Variants in INTS1 observed in about 807,000 individuals in gnomAD.
INTS1 encodes integrator complex subunit 1.
INTS1 carries 137 observed loss-of-function variants against 241.6 expected under a neutral mutation model. The observed-to-expected ratio is 0.57, with a 90% confidence interval of 0.49 to 0.65. The LOEUF (loss-of-function observed/expected upper bound fraction) is 0.65, where lower values mean the gene tolerates loss of function less well. Ranked by LOEUF, INTS1 falls within the 30% of genes least tolerant of loss-of-function variation. The pLI is 0.00. For synonymous variants in INTS1, 1,692 were observed against 1,337.8 expected, an observed-to-expected ratio of 1.26 and a Z score of -5.78; for missense variants, 3,073 against 3,032.2, an observed-to-expected ratio of 1.01 and a Z score of -0.32.
chr7:1,485,446 C>A lies in INTS1; in HGVS notation c.3000G>T (p.Glu1000Asp), dbSNP rs751317411. 3.1e-6 allele frequency: 5 copies of A among 1,612,628 alleles called. No homozygotes were observed. In the Admixed American group the frequency reaches 8.3e-5, roughly 27 times the overall value. Reference sequence around the variant, plus strand: ...TCTCCTCCCCGTCCCGCAGGCTGCCCTCCGAAAGCACCAGCGACAAACCCT... The same window carrying A: ...TCTCCTCCCCGTCCCGCAGGCTGCCATCCGAAAGCACCAGCGACAAACCCT... ...AMKGLSLVLSEGSLRDGEEKE... is the reference protein window; with the variant it reads ...AMKGLSLVLSDGSLRDGEEKE... Residue 1000 changes from glutamate to aspartate, a missense_variant, in exon 23 of 48, where the codon GAG (glutamate) becomes GAT (aspartate). Physicochemically the swap from Glu to Asp is conservative, Grantham distance 45. Transcript: ENST00000404767.
rs1385792204 is a variant in INTS1 at position 1,472,313 on chromosome 7, G to A, written c.6144C>T (p.Ala2048=). ...CCCGGGAAAGCCGTTTCATGTAGGG[G>A]GCCATCTCGGCCGCGGTCAGAGGGG... ...LFTPLTAAEM[A]PYMKRLSRGQ... Residue 2048 remains alanine, a synonymous_variant, in exon 44 of 48, where the codon GCC becomes GCT. Transcript: ENST00000404767. 6 of 1,567,882 alleles carry A rather than the reference G, an allele frequency of 3.8e-6. No homozygotes were observed. The highest frequency in any genetic ancestry group is 2.3e-5 in the South Asian group (2 of 85,316).
At position 1,470,793 on chromosome 7, in the gene INTS1, C is replaced by T. The variant is rs1562481138; in HGVS notation, c.6457+53G>A. On this transcript the variant is annotated intron_variant, in intron 47 of 47. Coordinates refer to ENST00000404767, the MANE Select transcript of INTS1 (RefSeq NM_001080453.3). The stretch of plus-strand genomic sequence containing the variant: ...CAAGAGCCAGCCCTCGGGGGACGCA[C>T]CTCCGGCCTCCCCGAGGGCTGCCAG... The T allele has an allele frequency of 9.4e-6, 14 of 1,488,178 alleles. 1 individual carries two copies. The South Asian group carries it at 1.6e-4, about 17-fold the overall frequency. 92.2% of individuals were successfully genotyped at this position (1,488,178 alleles called of 1,614,324 possible).
In INTS1 at chr7:1,472,440, C is replaced by A. The variant is rs540821054; in HGVS notation, c.6071-54G>T. On this transcript the variant is annotated intron_variant, in intron 43 of 47. Coordinates refer to ENST00000404767, the MANE Select transcript of INTS1 (RefSeq NM_001080453.3). ...GGCGGGAGCGGCAGGACGTGCCACA[C>A]TGAGGCACCAGGACCTGCCCTCCCG... 15 of 1,296,182 alleles carry A rather than the reference C, an allele frequency of 1.2e-5. No homozygotes were observed. The South Asian group carries it at 1.3e-4, about 11-fold the overall frequency. 80.3% of individuals were successfully genotyped at this position (1,296,182 alleles called of 1,614,324 possible). A position where few individuals can be genotyped will look rare whatever the true frequency, so the allele number is the denominator to read the frequency against.
Position 1,497,994 on chromosome 7 carries a change from G to A in INTS1, c.1425+418C>T, listed in dbSNP as rs560748695. Among the ~76,000 whole-genome samples the A allele has an allele frequency of 2.6e-5, 4 of 152,318 alleles. No homozygotes were observed. Among genetic ancestry groups the A allele is most frequent in the Admixed American group, 1.3e-4 (2 of 15,304 alleles). On this transcript the variant is annotated intron_variant, in intron 10 of 47. Transcript: ENST00000404767. This position sits in a 1 kb window ranked among gnomAD's most constrained non-coding sequence, Gnocchi z 5.3. ...TTTGGGAGGTTGAGGCAGGAGGATCGCTTGAGCCCAGGAGTTTGAGACCAG... is the reference window on the plus strand; with the variant it reads ...TTTGGGAGGTTGAGGCAGGAGGATCACTTGAGCCCAGGAGTTTGAGACCAG...
chr7:1,472,250 G>A, intron 44 of INTS1, 23 bp downstream of exon 44: 2 of 1,517,184 alleles, frequency 1.3e-6, no homozygotes, highest in Non-Finnish European at 1.8e-6. Flanking sequence ...GACCTGGCGT[G>A]GGTGAAGCAG....
At chr7:1,471,424 C>A in intron 45 of INTS1, 147 bp downstream of exon 45, 1 of 1,011,582 alleles carries the variant, frequency 9.9e-7, no homozygotes, top group Non-Finnish European at 1.5e-6. Flanking sequence ...TGACTGTGAA[C>A]ACCTGGGCTG....
chr7:1,484,251 C>T (rs1782140956), intron 24 of INTS1, 81 bp from the exon 25 acceptor site: 4 of 1,420,774 alleles, frequency 2.8e-6, no homozygotes, highest in East Asian at 2.3e-5. Context: ...GTCGCAGGCA[C>T]GCTCTCACTG....
Position 1,487,210 on chromosome 7 carries a change from A to G in INTS1, c.2647-109T>C, listed in dbSNP as rs541649790. The G allele has an allele frequency of 4.3e-4, 653 of 1,501,916 alleles. 2 individuals are homozygous for G. In the African/African-American group the frequency reaches 8.1e-3, roughly 19 times the overall value. The allele number at this position is 1,501,916 out of a possible 1,614,324, so 93.0% of individuals were successfully genotyped here. On this transcript the variant is annotated intron_variant, in intron 20 of 47. Coordinates refer to ENST00000404767, the MANE Select transcript of INTS1 (RefSeq NM_001080453.3). ...AAGGGCGACACGCAGCAGCCAGCTC[A>G]TGGGCCCCGCATCCAGGTGTGTCCT...
chr7:1,499,682 G>T, intron 5 of INTS1, 50 bp from the exon 6 acceptor site: 1 of 1,553,078 alleles, frequency 6.4e-7, no homozygotes, highest in Non-Finnish European at 8.7e-7. Context: ...GCAGCAGCCA[G>T]GTTGGGGAAC....
At position 1,489,336 on chromosome 7, in the gene INTS1, G is replaced by A. The variant is rs746274697; in HGVS notation, c.2318+8C>T. Reference sequence around the variant, plus strand: ...TCCCGGGCCCGCCGAGGGGACGTGCGCACTCACTTGGTCATCACCATCTCC... The same window carrying A: ...TCCCGGGCCCGCCGAGGGGACGTGCACACTCACTTGGTCATCACCATCTCC... On this transcript the variant is annotated splice_region_variant and intron_variant, in intron 18 of 47. Transcript: ENST00000404767. 6.2e-7 allele frequency: 1 copy of A among 1,609,372 alleles called. No homozygotes were observed.
At chr7:1,474,427 G>GCAC in intron 40 of INTS1, 67 bp from the exon 41 acceptor site, 1 of 1,466,630 alleles carries the variant, frequency 6.8e-7, no homozygotes, top group Admixed American at 2.1e-5. Flanking sequence ...TCCCCAGGAA[G>GCAC]GCCCCACTGC....
chr7:1,476,696 G>C (rs765878939), intron 36 of INTS1, 39 bp from the exon 37 acceptor site: 1 of 1,612,074 alleles, frequency 6.2e-7, no homozygotes. Flanking sequence ...GAGGTGTCTC[G>C]TCTCAGCATG....
At position 1,477,598 on chromosome 7, in the gene INTS1, G is replaced by T; in HGVS notation, c.4890C>A (p.Val1630=). The change falls in exon 35 of 48, where the codon GTC becomes GTA. Residue 1630 remains valine (V), a synonymous_variant. Coordinates refer to ENST00000404767, the MANE Select transcript of INTS1 (RefSeq NM_001080453.3). The stretch of plus-strand genomic sequence containing the variant: ...TGAGCTGCAGGTCGGGGCAGCTGCT[G>T]ACCACCTCGGGGTCCAGCATTTCCA... The part of the protein sequence containing the change: ...DWLEMLDPEV[V]SSCPDLQLRL... 2 of 1,565,000 alleles carry T rather than the reference G, an allele frequency of 1.3e-6. No homozygotes were observed. Among genetic ancestry groups the T allele is most frequent in the East Asian group, 2.4e-5 (1 of 42,336 alleles).
At position 1,480,435 on chromosome 7, in the gene INTS1, G is replaced by A. The variant is rs774522848; in HGVS notation, c.3956C>T (p.Thr1319Ile). The change falls in exon 30 of 48, where the codon ACA becomes ATA. Residue 1319 changes from threonine (T) to isoleucine (I), a missense_variant. Thr to Ile is a moderately conservative substitution (Grantham distance 89, BLOSUM62 -1). Coordinates refer to ENST00000404767, the MANE Select transcript of INTS1 (RefSeq NM_001080453.3). ...GCTGCTCTTTGGTTTGGGTGCCTCTGTGCTGTCTGCAGAGACAGGAGAACT... is the reference window on the plus strand; with the variant it reads ...GCTGCTCTTTGGTTTGGGTGCCTCTATGCTGTCTGCAGAGACAGGAGAACT... ...TASLPPRRDS[T>I]EAPKPKSSPE... is the part of the protein sequence containing the mutation. 1 of 1,613,016 alleles carries A rather than the reference G, an allele frequency of 6.2e-7. No individual in the cohort carries two copies.
Position 1,503,842 on chromosome 7 carries a change from C to G in INTS1, c.58+61G>C. 3.5e-6 allele frequency: 4 copies of G among 1,142,310 alleles called. No individual in the cohort carries two copies. In the Middle Eastern group the frequency reaches 6.3e-4, roughly 180 times the overall value. 70.8% of individuals were successfully genotyped at this position (1,142,310 alleles called of 1,614,324 possible). On this transcript the variant is annotated intron_variant, in intron 2 of 47. Coordinates refer to ENST00000404767, the MANE Select transcript of INTS1 (RefSeq NM_001080453.3). ...CGCAGGATCCGCGGCAGCTGAGATC[C>G]CCAAAGACCCCCAAAGACCCCCAAA...
intron 30 of INTS1, among the ~76,000 whole-genome samples, chr7:1,479,901 G>A (rs778940090): frequency 6.6e-6 from 1 of 152,222 alleles, no homozygotes; most frequent in African/African-American, 2.4e-5. Context: ...CTGCCCCAGA[G>A]AACAAAGGTG....
At position 1,497,320 on chromosome 7, in the gene INTS1, G is replaced by A. The variant is rs1329748360; in HGVS notation, c.1426-6C>T. 9 of 1,610,048 alleles carry A rather than the reference G, an allele frequency of 5.6e-6. No individual in the cohort carries two copies. The highest frequency in any genetic ancestry group is 7.6e-6 in the Non-Finnish European group (9 of 1,177,982). On this transcript the variant is annotated splice_region_variant and splice_polypyrimidine_tract_variant and intron_variant, in intron 10 of 47. Transcript: ENST00000404767. This position sits in a 1 kb window ranked among gnomAD's most constrained non-coding sequence, Gnocchi z 5.3. ...TGGAACACCATGGCCAGGAACTGGGGCAGAGAGAGGCCGCGTGGGAGGCTG... is the reference window on the plus strand; with the variant it reads ...TGGAACACCATGGCCAGGAACTGGGACAGAGAGAGGCCGCGTGGGAGGCTG...
intron 12 of INTS1, among the ~76,000 whole-genome samples, 164 bp downstream of exon 12, chr7:1,495,992 G>A (rs994191761): frequency 1.1e-4 from 17 of 152,220 alleles, no homozygotes; most frequent in Non-Finnish European, 2.2e-4. Context: ...CGGATGGACA[G>A]GAACGGGGAC....
At chr7:1,474,486 C>G in intron 40 of INTS1, 126 bp from the exon 41 acceptor site, 2 of 1,174,106 alleles carry the variant, frequency 1.7e-6, no homozygotes, top group Non-Finnish European at 1.2e-6. Context: ...CCCTCCTGCC[C>G]TAAGGAGGTG....
Sources: gnomAD v4.1 joint callset for allele counts (sites outside exome capture counted in the v4.1 genomes callset) on GRCh38, gnomAD v4.1.1 for gene constraint, Gnocchi (gnomAD v3.1) non-coding constraint, MANE v1.5 for transcripts, NCBI Gene and HGNC (gene_info 2026-07-23, HGNC 2026-07-21) for gene names.